Variants in DYNC1H1 observed in about 807,000 individuals in gnomAD.
DYNC1H1 encodes dynein cytoplasmic 1 heavy chain 1, also known as cytoplasmic dynein 1 heavy chain 1.
In DYNC1H1, 51 loss-of-function variants were observed where a neutral mutation model predicts 527.1. The ratio of observed to expected loss-of-function variants is 0.10; its 90% CI spans 0.08 to 0.12. The LOEUF (loss-of-function observed/expected upper bound fraction) is 0.12. Among genes scored for constraint, DYNC1H1 ranks in the 10% least tolerant of loss-of-function variants. The pLI, the probability that DYNC1H1 is intolerant of heterozygous loss-of-function variation, is 1.00. For missense variants in DYNC1H1, 2,771 were observed against 5,971.8 expected, an observed-to-expected ratio of 0.46 and a Z score of 17.66; for synonymous variants, 2,189 against 2,278.8, an observed-to-expected ratio of 0.96 and a Z score of 1.12.
intron 9 of DYNC1H1, 116 bp from the exon 10 acceptor site, chr14:101,988,587 C>T (rs2047961853): frequency 7.5e-7 from 1 of 1,334,942 alleles, no homozygotes; most frequent in Admixed American, 1.8e-5. Context: ...GATATGAAGG[C>T]TTCTAGTCCG....
At position 102,009,970 on chromosome 14, in the gene DYNC1H1, G is replaced by C; in HGVS notation, c.6105G>C (p.Leu2035=). 2.5e-6 allele frequency: 4 copies of C among 1,614,148 alleles called. No individual in the cohort carries two copies. The highest frequency in any genetic ancestry group is 1.3e-5 in the African/African-American group (1 of 75,050). ...RSNLPDNLKK[L]FRSLAMTKPD... is the part of the protein sequence containing the mutation. ...ACCTTCCTGACAACTTGAAGAAGCTGTTCCGGAGCTTGGCCATGACCAAGC... is the reference window on the plus strand; with the variant it reads ...ACCTTCCTGACAACTTGAAGAAGCTCTTCCGGAGCTTGGCCATGACCAAGC... The change falls in exon 30 of 78, where the codon CTG becomes CTC. Residue 2035 remains leucine (L), a synonymous_variant. Transcript: ENST00000360184.
rs2048582139 is a variant in DYNC1H1, at chr14:102,036,887, T to G, written c.10908+245T>G. 2.4e-6 allele frequency: 1 copy of G among 417,244 alleles called. No homozygotes were observed. The highest frequency in any genetic ancestry group is 2.1e-5 in the African/African-American group (1 of 46,622). 25.8% of individuals were successfully genotyped at this position (417,244 alleles called of 1,614,324 possible). A position where few individuals can be genotyped will look rare whatever the true frequency, so the allele number is the denominator to read the frequency against. On this transcript the variant is annotated intron_variant, in intron 57 of 77. Coordinates refer to ENST00000360184, the MANE Select transcript of DYNC1H1 (RefSeq NM_001376.5). The surrounding 1 kb of genome is among the most constrained non-coding windows in gnomAD (Gnocchi z 5.6). Reference sequence around the variant, plus strand: ...TTGGGAGGCCGAGGCGGGTGGATCATCTAAGGTCAGGAATTCAAGAAAAGC... The same window carrying G: ...TTGGGAGGCCGAGGCGGGTGGATCAGCTAAGGTCAGGAATTCAAGAAAAGC...
At position 102,027,124 on chromosome 14, in the gene DYNC1H1, G is replaced by A. The variant is rs1408545135; in HGVS notation, c.8772-50G>A. The A allele has an allele frequency of 2.5e-6, 4 of 1,570,970 alleles. No homozygotes were observed. The highest frequency in any genetic ancestry group is 3.5e-6 in the Non-Finnish European group (4 of 1,140,902). On this transcript the variant is annotated intron_variant, in intron 44 of 77. Transcript: ENST00000360184. This position sits in a 1 kb window ranked among gnomAD's most constrained non-coding sequence, Gnocchi z 7.7. ...AGACACTAGATATGAGTCAAAAGGGGAATGAGGCATTATAAGCCTTAACAT... is the reference window on the plus strand; with the variant it reads ...AGACACTAGATATGAGTCAAAAGGGAAATGAGGCATTATAAGCCTTAACAT...
intron 43 of DYNC1H1, chr14:102,023,492 T>G (rs945444749): frequency 1.6e-5 from 3 of 189,624 alleles, no homozygotes; most frequent in African/African-American, 7.1e-5. Context: ...GAAGTTGCGG[T>G]GAGCTGAGAT....
At chr14:101,978,467 C>G (rs1438578096) in intron 2 of DYNC1H1, among the ~76,000 whole-genome samples, 1 of 152,134 alleles carries the variant, frequency 6.6e-6, no homozygotes, top group Non-Finnish European at 1.5e-5. Context: ...ACCACCATGC[C>G]TGGCGTATGA....
At chr14:102,028,238 G>C (rs538160976) in intron 48 of DYNC1H1, 97 bp downstream of exon 48, 12 of 1,418,254 alleles carry the variant, frequency 8.5e-6, no homozygotes, top group African/African-American at 5.6e-5. Flanking sequence ...AAGGCCAGGT[G>C]CAGTGACTCA....
At position 102,005,284 on chromosome 14, in the gene DYNC1H1, C is replaced by G. The variant is rs1220629526; in HGVS notation, c.5433+48C>G. The G allele has an allele frequency of 6.2e-7, 1 of 1,605,376 alleles. No individual in the cohort carries two copies. Among genetic ancestry groups the G allele is most frequent in the Non-Finnish European group, 8.5e-7 (1 of 1,172,648 alleles). ...TCCTTACCAGTTAGACTCTTACACC[C>G]TCAACCACACAGTTAAATGGAAATC... is the stretch of plus-strand genomic sequence containing the variant. On this transcript the variant is annotated intron_variant, in intron 26 of 77. Transcript: ENST00000360184. This position sits in a 1 kb window ranked among gnomAD's most constrained non-coding sequence, Gnocchi z 4.0.
chr14:102,048,305 T>C (rs1437166653), intron 73 of DYNC1H1: 2 of 747,130 alleles, frequency 2.7e-6, no homozygotes, highest in African/African-American at 1.8e-5. Context: ...CCCCGAGAGC[T>C]GCGACTCGGG....
In DYNC1H1 at chr14:102,041,262, A is replaced by G. The variant is rs2152596109; in HGVS notation, c.11942-312A>G. The G allele has an allele frequency of 2.4e-6, 1 of 422,504 alleles. No homozygotes were observed. The highest frequency in any genetic ancestry group is 5.4e-5 in the East Asian group (1 of 18,552). 26.2% of individuals were successfully genotyped at this position (422,504 alleles called of 1,614,324 possible). A position where few individuals can be genotyped will look rare whatever the true frequency, so the allele number is the denominator to read the frequency against. On this transcript the variant is annotated intron_variant, in intron 64 of 77. Coordinates refer to ENST00000360184, the MANE Select transcript of DYNC1H1 (RefSeq NM_001376.5). This position sits in a 1 kb window ranked among gnomAD's most constrained non-coding sequence, Gnocchi z 4.5. ...GAGGAAGTGTCAGACTGTGGAGGGC[A>G]GAGCGTGGAGCCCCCTTCCTGAGTA...
At chr14:102,043,774 T>G (rs1364772274) in intron 69 of DYNC1H1, 101 bp from the exon 70 acceptor site, 1 of 1,536,320 alleles carries the variant, frequency 6.5e-7, no homozygotes, top group Non-Finnish European at 9.0e-7. Context: ...CGTCAGGATG[T>G]GGAGAGCTCT....
intron 7 of DYNC1H1, among the ~76,000 whole-genome samples, chr14:101,984,395 G>GTA (rs199505034): frequency 8.7e-6 from 1 of 114,386 alleles, no homozygotes. Context: ...ATATATATGC[G>GTA]TATATATGTG....
Sources: allele counts gnomAD v4.1 joint callset (sites outside exome capture counted in the v4.1 genomes callset), GRCh38; gene constraint gnomAD v4.1.1; non-coding constraint Gnocchi (gnomAD v3.1); transcripts MANE v1.5; gene names NCBI Gene and HGNC (gene_info 2026-07-23, HGNC 2026-07-21).